Variants in NABP1 observed in about 807,000 individuals in gnomAD.
NABP1 encodes nucleic acid binding protein 1, also known as SOSS complex subunit B2.
Under a neutral mutation model 25.0 loss-of-function variants are expected in NABP1, and 18 were observed. That is an observed-to-expected ratio of 0.72 (90% CI 0.50 to 1.07). The LOEUF (loss-of-function observed/expected upper bound fraction) is 1.07. Ranked by LOEUF, NABP1 falls within the 50% of genes least tolerant of loss-of-function variation. The pLI is 0.00. For missense variants in NABP1, 270 were observed against 255.6 expected, an observed-to-expected ratio of 1.06 and a Z score of -0.39; for synonymous variants, 71 against 85.0, an observed-to-expected ratio of 0.84 and a Z score of 0.91.
In NABP1 at chr2:191,685,559, A is replaced by G. The variant is rs1267417961; in HGVS notation, c.446-40A>G. 8 of 1,554,224 alleles carry G rather than the reference A, an allele frequency of 5.1e-6. No individual in the cohort carries two copies. The Admixed American group carries it at 5.7e-5, about 11-fold the overall frequency. ...TAAGATAGTTCTACTTCTATAGACTACCTCTGAAAATAGTGATGAATTTTT... is the reference window on the plus strand; with the variant it reads ...TAAGATAGTTCTACTTCTATAGACTGCCTCTGAAAATAGTGATGAATTTTT... On this transcript the variant is annotated intron_variant, in intron 5 of 5. Transcript: ENST00000425611.
At position 191,681,996 on chromosome 2, in the gene NABP1, G is replaced by T. The variant is rs201557771; in HGVS notation, c.281G>T (p.Gly94Val). 246 of 1,502,800 alleles carry T rather than the reference G, an allele frequency of 1.6e-4. No homozygotes were observed. The highest frequency in any genetic ancestry group is 2.1e-4 in the Non-Finnish European group (242 of 1,131,712). 93.1% of individuals were successfully genotyped at this position (1,502,800 alleles called of 1,614,324 possible). A position where few individuals can be genotyped will look rare whatever the true frequency, so the allele number is the denominator to read the frequency against. The change falls in exon 3 of 6, where the codon GGT becomes GTT. Residue 94 changes from glycine to valine, a missense_variant. Transcript: ENST00000425611. ...CTGACACTTTATACTGGAAGGGGTG[G>T]TGAACTTCAAAAAATTGGGGAGTAA... ...GCLTLYTGRG[G>V]ELQKIGEFCM...
At chr2:191,682,961 C>T (rs1687727525) in intron 3 of NABP1, 1 of 177,364 alleles carries the variant, frequency 5.6e-6, no homozygotes, top group Non-Finnish European at 1.2e-5. Flanking sequence ...GTCTTAGTGT[C>T]TGTTACTGAA....
chr2:191,682,718 C>A (rs936093529), intron 3 of NABP1: 1 of 211,168 alleles, frequency 4.7e-6, no homozygotes, highest in Non-Finnish European at 1.0e-5. Context: ...TAATGCCTGT[C>A]AAATTGGAAG....
In NABP1 at chr2:191,683,922, T is replaced by C; in HGVS notation, c.378+118T>C. 2 of 823,996 alleles carry C rather than the reference T, an allele frequency of 2.4e-6. No individual in the cohort carries two copies. Among genetic ancestry groups the C allele is most frequent in the South Asian group, 3.3e-5 (2 of 60,354 alleles). The allele number at this position is 823,996 out of a possible 1,614,324, so 51.0% of individuals were successfully genotyped here. On this transcript the variant is annotated intron_variant, in intron 4 of 5. Transcript: ENST00000425611. This position sits in a 1 kb window ranked among gnomAD's most constrained non-coding sequence, Gnocchi z 4.1. ...AGATAATTTTTAAAAGGATACTTAA[T>C]TTTTATTGTATGTTTTGTGAGGATA...
intron 4 of NABP1, 46 bp from the exon 5 acceptor site, chr2:191,684,184 A>G: frequency 1.7e-6 from 2 of 1,184,256 alleles, no homozygotes; most frequent in Non-Finnish European, 2.4e-6. Context: ...TAATAATATA[A>G]TTGTGTTTTT....
chr2:191,680,364 A>G (rs1479153242), intron 2 of NABP1, among the ~76,000 whole-genome samples: 1 of 152,244 alleles, frequency 6.6e-6, no homozygotes. Context: ...CAGGCTTACA[A>G]CATCTTCAGG....
chr2:191,682,076 G>T lies in NABP1; in HGVS notation c.302+59G>T, dbSNP rs958810940. The T allele has an allele frequency of 3.8e-6, 4 of 1,057,066 alleles. No individual in the cohort carries two copies. The Admixed American group carries it at 8.6e-5, about 23-fold the overall frequency. 65.5% of individuals were successfully genotyped at this position (1,057,066 alleles called of 1,614,324 possible). A position where few individuals can be genotyped will look rare whatever the true frequency, so the allele number is the denominator to read the frequency against. On this transcript the variant is annotated intron_variant, in intron 3 of 5. Coordinates refer to ENST00000425611, the MANE Select transcript of NABP1 (RefSeq NM_001031716.5). ...ATATTATAAATAATATCTACGGAAT[G>T]ATTGGTAGGTATGAATTGTAAACCT...
chr2:191,684,239 G>T lies in NABP1; in HGVS notation c.388G>T (p.Glu130Ter). 1 of 1,543,684 alleles carries T rather than the reference G, an allele frequency of 6.5e-7. No homozygotes were observed. The highest frequency in any genetic ancestry group is 8.7e-7 in the Non-Finnish European group (1 of 1,154,196). ...RGQQNKGAQS[E>*]QKNNSMNSNM... ...AAAAACTTTTTTTTAGGCACAGAGT[G>T]AACAGAAGAATAATTCCATGAATAG... Residue 130 changes from glutamate to a stop codon, truncating the protein, a stop_gained, in exon 5 of 6, where the codon GAA becomes TAA. Transcript: ENST00000425611. LOFTEE classifies it high-confidence loss of function.
chr2:191,678,914 A>G, intron 1 of NABP1, 76 bp from the exon 2 acceptor site: 1 of 1,594,628 alleles, frequency 6.3e-7, no homozygotes, highest in Non-Finnish European at 8.6e-7. Flanking sequence ...GTATTAAAAT[A>G]CCGGAGGAGG....
At position 191,683,425 on chromosome 2, in the gene NABP1, G is replaced by A. The variant is rs1297066849; in HGVS notation, c.303-304G>A. 6.4e-6 allele frequency: 2 copies of A among 314,000 alleles called. No individual in the cohort carries two copies. The highest frequency in any genetic ancestry group is 5.0e-5 in the Admixed American group (1 of 20,060). 19.5% of individuals were successfully genotyped at this position (314,000 alleles called of 1,614,324 possible). ...TCTCATGTTATTTTTCCTTTGATCA[G>A]CTTTTGTGGAAAAACAGGACAGAGA... On this transcript the variant is annotated intron_variant, in intron 3 of 5. Transcript: ENST00000425611. The surrounding 1 kb of genome is among the most constrained non-coding windows in gnomAD (Gnocchi z 4.1).
rs1687738473 is a variant in NABP1 at position 191,683,510 on chromosome 2, A to G, written c.303-219A>G. Reference sequence around the variant, plus strand: ...TTTTCAGCACTAAAGAAGAATTTAAATACAAAATAGAATGTTATATATCTT... The same window carrying G: ...TTTTCAGCACTAAAGAAGAATTTAAGTACAAAATAGAATGTTATATATCTT... On this transcript the variant is annotated intron_variant, in intron 3 of 5. Transcript: ENST00000425611. The surrounding 1 kb of genome is among the most constrained non-coding windows in gnomAD (Gnocchi z 4.1). 1 of 426,918 alleles carries G rather than the reference A, an allele frequency of 2.3e-6. No homozygotes were observed. The highest frequency in any genetic ancestry group is 4.3e-5 in the Admixed American group (1 of 23,468). The allele number at this position is 426,918 out of a possible 1,614,324, so 26.4% of individuals were successfully genotyped here. A position where few individuals can be genotyped will look rare whatever the true frequency, so the allele number is the denominator to read the frequency against.
At chr2:191,679,411 T>C (rs1687610400) in intron 2 of NABP1, among the ~76,000 whole-genome samples, 1 of 152,208 alleles carries the variant, frequency 6.6e-6, no homozygotes, top group South Asian at 2.1e-4. Flanking sequence ...CGAGTCTCGC[T>C]CTGTCGCCAA....
In NABP1 at chr2:191,685,795, T is replaced by C. The variant is rs1483835978; in HGVS notation, c.*27T>C. 14 of 1,606,540 alleles carry C rather than the reference T, an allele frequency of 8.7e-6. No homozygotes were observed. The highest frequency in any genetic ancestry group is 1.2e-5 in the Non-Finnish European group (14 of 1,174,118). ...CTATGCTAAATACTCATGTGTAGTT[T>C]TTATACTACATGCCCTACTTGAACA... On this transcript the variant is annotated 3_prime_UTR_variant, in exon 6 of 6. Transcript: ENST00000425611.
chr2:191,685,495 T>C, intron 5 of NABP1, 104 bp from the exon 6 acceptor site: 1 of 1,011,372 alleles, frequency 9.9e-7, no homozygotes. Flanking sequence ...TAAAAGTGTG[T>C]GCTTTAATAT....
Position 191,685,621 on chromosome 2 carries a change from T to C in NABP1, c.468T>C (p.Pro156=), listed in dbSNP as rs1436375100. ...GPVGNGVHTG[P]ESREHQFSHA... is the part of the protein sequence containing the mutation. ...TAGGAAATGGTGTTCACACTGGCCC[T>C]GAATCAAGGGAACACCAGTTTTCAC... The change falls in exon 6 of 6, where the codon CCT becomes CCC. Residue 156 remains proline (P), a synonymous_variant. Transcript: ENST00000425611. 1 of 1,613,278 alleles carries C rather than the reference T, an allele frequency of 6.2e-7. No individual in the cohort carries two copies. The highest frequency in any genetic ancestry group is 1.3e-5 in the African/African-American group (1 of 74,900).
At position 191,685,830 on chromosome 2, in the gene NABP1, C is replaced by A; in HGVS notation, c.*62C>A. 1 of 1,471,562 alleles carries A rather than the reference C, an allele frequency of 6.8e-7. No individual in the cohort carries two copies. Among genetic ancestry groups the A allele is most frequent in the Non-Finnish European group, 9.4e-7 (1 of 1,068,214 alleles). 91.2% of individuals were successfully genotyped at this position (1,471,562 alleles called of 1,614,324 possible). ...ATGCCCTACTTGAACACTTATTGCA[C>A]TTTTATTTATTGTTAACTGTGAAAA... On this transcript the variant is annotated 3_prime_UTR_variant, in exon 6 of 6. Transcript: ENST00000425611.
At chr2:191,679,620 G>A (rs1322633987) in intron 2 of NABP1, among the ~76,000 whole-genome samples, 2 of 151,622 alleles carry the variant, frequency 1.3e-5, no homozygotes, top group East Asian at 1.9e-4. Flanking sequence ...CAAGTGATCC[G>A]CGCGCCCCAA....
At position 191,678,520 on chromosome 2, in the gene NABP1, C is replaced by T. The variant is rs532703543; in HGVS notation, c.-95C>T. 9 of 838,456 alleles carry T rather than the reference C, an allele frequency of 1.1e-5. No homozygotes were observed. The African/African-American group carries it at 1.5e-4, about 14-fold the overall frequency. The allele number at this position is 838,456 out of a possible 1,614,324, so 51.9% of individuals were successfully genotyped here. A position where few individuals can be genotyped will look rare whatever the true frequency, so the allele number is the denominator to read the frequency against. ...CTCTCGCCACCCCTGCCCAAGGTCG[C>T]CCCTCTGCCTTCGCCCCTGTCCCGG... On this transcript the variant is annotated 5_prime_UTR_variant, in exon 1 of 6. Transcript: ENST00000425611.
chr2:191,685,522 C>A, intron 5 of NABP1, 77 bp from the exon 6 acceptor site: 3 of 1,226,774 alleles, frequency 2.4e-6, no homozygotes, highest in Non-Finnish European at 3.4e-6. Context: ...GCATTAATAA[C>A]ATGTTGGCAC....
Sources: gnomAD v4.1 joint callset for allele counts (sites outside exome capture counted in the v4.1 genomes callset) on GRCh38, gnomAD v4.1.1 for gene constraint, Gnocchi (gnomAD v3.1) non-coding constraint, MANE v1.5 for transcripts, NCBI Gene and HGNC (gene_info 2026-07-23, HGNC 2026-07-21) for gene names.